The following MCC variants were observed in gnomAD, a reference collection of about 807,000 sequenced individuals.
MCC encodes MCC regulator of Wnt signaling pathway.
MCC carries 90 observed loss-of-function variants against 116.2 expected under a neutral mutation model. That is an observed-to-expected ratio of 0.77 (90% confidence interval 0.65 to 0.92). The LOEUF (loss-of-function observed/expected upper bound fraction) is 0.92. Among genes scored for constraint, MCC ranks in the 40% least tolerant of loss-of-function variants. The pLI is 0.00. For synonymous variants in MCC, 578 were observed against 510.5 expected (o/e 1.13, Z -1.78); for missense variants, 1,516 against 1,312.2 (o/e 1.16, Z -2.40).
chr5:113,270,896 A>G (rs1765590837), intron 3 of MCC, among the ~76,000 whole-genome samples: 1 of 151,922 alleles, frequency 6.6e-6, no homozygotes, highest in African/African-American at 2.4e-5. Context: ...TACCTCTTAA[A>G]TTGCCCTGCA....
intron 6 of MCC, among the ~76,000 whole-genome samples, chr5:113,118,964 T>C (rs1757564855): frequency 6.6e-6 from 1 of 152,202 alleles, no homozygotes. Context: ...TGCTCGGCTG[T>C]GACCTCTGGC....
At chr5:113,481,654 G>A (rs1336741963) in intron 1 of MCC, among the ~76,000 whole-genome samples, 2 of 152,094 alleles carry the variant, frequency 1.3e-5, no homozygotes, top group South Asian at 2.1e-4. Context: ...CAGAAGAATC[G>A]CTTGAACCCG....
chr5:113,083,777 T>C (rs1039042597), intron 10 of MCC, among the ~76,000 whole-genome samples: 5 of 152,178 alleles, frequency 3.3e-5, no homozygotes, highest in African/African-American at 1.2e-4. Context: ...GAGCTCTTGG[T>C]CTCTGGGGTA....
chr5:113,187,913 G>A (rs1418796835), intron 3 of MCC, among the ~76,000 whole-genome samples: 1 of 152,136 alleles, frequency 6.6e-6, no homozygotes, highest in Non-Finnish European at 1.5e-5. Flanking sequence ...CAGTTCTAGT[G>A]CATGCTCAGA....
At chr5:113,089,582 T>C (rs1305713275) in intron 8 of MCC, among the ~76,000 whole-genome samples, 1 of 152,232 alleles carries the variant, frequency 6.6e-6, no homozygotes, top group Non-Finnish European at 1.5e-5. Context: ...CCAACAGAAC[T>C]TCCTGTACAG....
chr5:113,357,464 C>A (rs529263378), intron 2 of MCC, among the ~76,000 whole-genome samples: 3 of 152,232 alleles, frequency 2.0e-5, no homozygotes, highest in Admixed American at 6.5e-5. Context: ...CCCCCACCTA[C>A]CAGGAATGTC....
chr5:113,256,444 C>T (rs1200432732), intron 3 of MCC, among the ~76,000 whole-genome samples: 1 of 152,090 alleles, frequency 6.6e-6, no homozygotes, highest in African/African-American at 2.4e-5. Context: ...AGTCACCAAG[C>T]TATTACAACA....
intron 1 of MCC, 86 bp downstream of exon 1, chr5:113,488,159 T>C (rs1000825471): frequency 8.3e-6 from 11 of 1,326,270 alleles, no homozygotes; most frequent in South Asian, 3.5e-5. Context: ...TTGCCGCAAG[T>C]TGGGGCGAGG....
At chr5:113,044,383 T>C (rs1751930215) in intron 16 of MCC, 2 of 549,550 alleles carry the variant, frequency 3.6e-6, no homozygotes, top group Non-Finnish European at 4.6e-6. Context: ...GTTAAGACTA[T>C]TCAAAGCAGT....
chr5:113,361,291 CCTCTATAGTG>C (rs1768541854), intron 2 of MCC, among the ~76,000 whole-genome samples: 2 of 149,738 alleles, frequency 1.3e-5, no homozygotes, highest in Admixed American at 6.6e-5. Context: ...CTTTATTGTA[CCTCTATAGTG>C]CTTTTCTATT....
At position 113,340,568 on chromosome 5, in the gene MCC, G is replaced by A. The variant is rs773106824; in HGVS notation, c.578C>T (p.Pro193Leu). The change falls in exon 3 of 19, where the codon CCG becomes CTG. Residue 193 changes from proline (P) to leucine (L), a missense_variant. Pro to Leu is a moderately conservative substitution (Grantham distance 98, BLOSUM62 -3). Transcript: ENST00000408903. Reference protein sequence around the residue: ...AALHKLLTQSPHIGNSVGGSY... With the variant: ...AALHKLLTQSLHIGNSVGGSY... ...TCCTCCTACAGAGTTGCCAATGTGC[G>A]GGGACTGTGTGAGCAGTTTGTGGAG... 5 of 1,614,136 alleles carry A rather than the reference G, an allele frequency of 3.1e-6. No individual in the cohort carries two copies. The highest frequency in any genetic ancestry group is 1.7e-5 in the Admixed American group (1 of 60,020).
At chr5:113,126,429 A>G (rs921536991) in intron 5 of MCC, among the ~76,000 whole-genome samples, 20 of 152,226 alleles carry the variant, frequency 1.3e-4, no homozygotes, top group African/African-American at 4.3e-4. Flanking sequence ...TTTCATACCA[A>G]TGAGACAATA....
At chr5:113,392,245 A>G (rs934851861) in intron 1 of MCC, among the ~76,000 whole-genome samples, 3 of 152,166 alleles carry the variant, frequency 2.0e-5, no homozygotes, top group African/African-American at 7.2e-5. Flanking sequence ...GTCTTTAAAA[A>G]TAAAGAAAAA....
chr5:113,100,883 T>C (rs554321750), intron 8 of MCC, among the ~76,000 whole-genome samples: 2 of 152,262 alleles, frequency 1.3e-5, no homozygotes, highest in African/African-American at 4.8e-5. Flanking sequence ...GTCAAGTAAG[T>C]CTAGTAATTC....
At chr5:113,053,627 A>G in intron 15 of MCC, 98 bp downstream of exon 15, 1 of 787,452 alleles carries the variant, frequency 1.3e-6, no homozygotes, top group Non-Finnish European at 2.1e-6. Context: ...TCTGGGCAGG[A>G]GGGGTTGATT....
chr5:113,392,278 G>A (rs901791804), intron 1 of MCC, among the ~76,000 whole-genome samples: 5 of 152,030 alleles, frequency 3.3e-5, no homozygotes, highest in South Asian at 4.2e-4. Context: ...GGCAAATGAC[G>A]TGAACAGTCA....
At chr5:113,244,639 A>C (rs1265696535) in intron 3 of MCC, among the ~76,000 whole-genome samples, 2 of 152,240 alleles carry the variant, frequency 1.3e-5, no homozygotes, top group Non-Finnish European at 2.9e-5. Context: ...GGAAGGAAAC[A>C]AAATTAGTGC....
At chr5:113,128,338 T>A (rs1758205296) in intron 5 of MCC, among the ~76,000 whole-genome samples, 1 of 152,260 alleles carries the variant, frequency 6.6e-6, no homozygotes, top group African/African-American at 2.4e-5. Context: ...TGGTGTTTTT[T>A]GGGCGAACTG....
chr5:113,071,523 A>G (rs1166177048), intron 11 of MCC, among the ~76,000 whole-genome samples: 1 of 152,180 alleles, frequency 6.6e-6, no homozygotes, highest in Non-Finnish European at 1.5e-5. Context: ...CTCTGGAGAT[A>G]TTCCAAGGAA....
Sources: gnomAD v4.1 joint callset for allele counts (sites outside exome capture counted in the v4.1 genomes callset) on GRCh38, gnomAD v4.1.1 for gene constraint, MANE v1.5 for transcripts, NCBI Gene and HGNC (gene_info 2026-07-23, HGNC 2026-07-21) for gene names.